COL21A1: variants seen among roughly 807,000 people sequenced by gnomAD.
The protein encoded by COL21A1 is collagen alpha-1(XXI) chain.
Under a neutral mutation model 137.9 loss-of-function variants are expected in COL21A1, and 149 were observed. The observed-to-expected ratio is 1.08, with a 90% CI of 0.95 to 1.24. The LOEUF is 1.24. COL21A1 is among the 50% of genes most tolerant of loss of function. The pLI is 0.00. For missense variants in COL21A1, 1,167 were observed against 1,158.4 expected, an observed-to-expected ratio of 1.01 and a Z score of -0.11; for synonymous variants, 456 against 391.5, an observed-to-expected ratio of 1.16 and a Z score of -1.95.
intron 1 of COL21A1, among the ~76,000 whole-genome samples, chr6:56,339,516 T>C (rs1183010833): frequency 1.3e-5 from 2 of 152,248 alleles, no homozygotes; most frequent in East Asian, 3.8e-4. Flanking sequence ...ATTACTGATC[T>C]AGAATATGAA....
chr6:56,377,842 A>C (rs2094002144), intron 1 of COL21A1, among the ~76,000 whole-genome samples: 1 of 152,122 alleles, frequency 6.6e-6, no homozygotes, highest in Non-Finnish European at 1.5e-5. Flanking sequence ...AGGAGAGGGA[A>C]GAGTAGAGAG....
intron 1 of COL21A1, among the ~76,000 whole-genome samples, chr6:56,288,525 A>G (rs538105734): frequency 6.6e-5 from 10 of 152,340 alleles, no homozygotes; most frequent in African/African-American, 2.4e-4. Flanking sequence ...GCTGACTTTG[A>G]AGTCACACTC....
chr6:56,306,543 TTCA>T (rs1764459286), intron 1 of COL21A1, among the ~76,000 whole-genome samples: 1 of 152,358 alleles, frequency 6.6e-6, no homozygotes, highest in African/African-American at 2.4e-5. Flanking sequence ...GACTTGTGCA[TTCA>T]TCGTGTAGTT....
intron 10 of COL21A1, among the ~76,000 whole-genome samples, chr6:56,145,951 T>C (rs927954076): frequency 3.3e-5 from 5 of 152,028 alleles, no homozygotes; most frequent in Non-Finnish European, 7.4e-5. Flanking sequence ...CCATGATTCA[T>C]AGTTACAAAG....
At chr6:56,346,199 T>C (rs552332270) in intron 1 of COL21A1, among the ~76,000 whole-genome samples, 1 of 152,318 alleles carries the variant, frequency 6.6e-6, no homozygotes, top group East Asian at 1.9e-4. Flanking sequence ...CTAGAAAGTT[T>C]CCTCAAGGAC....
chr6:56,360,137 C>T (rs544517563), intron 1 of COL21A1, among the ~76,000 whole-genome samples: 3 of 152,290 alleles, frequency 2.0e-5, no homozygotes, highest in Non-Finnish European at 4.4e-5. Context: ...GATGAGAAAG[C>T]AGAAGGCTTA....
intron 10 of COL21A1, among the ~76,000 whole-genome samples, chr6:56,144,609 T>C (rs1411397831): frequency 1.3e-5 from 2 of 152,220 alleles, no homozygotes; most frequent in Non-Finnish European, 2.9e-5. Context: ...AAAGATCAAA[T>C]GCTGCTGTGC....
intron 17 of COL21A1, among the ~76,000 whole-genome samples, chr6:56,084,229 T>A (rs867750333): frequency 9.9e-5 from 15 of 151,192 alleles, no homozygotes; most frequent in South Asian, 2.1e-4. Flanking sequence ...TATATATATA[T>A]AAAAAACATT....
chr6:56,366,263 G>A (rs1021103804), intron 1 of COL21A1, among the ~76,000 whole-genome samples: 2 of 152,072 alleles, frequency 1.3e-5, no homozygotes, highest in African/African-American at 2.4e-5. Context: ...ACACAGCCTC[G>A]CCAAGTCTGA....
intron 1 of COL21A1, among the ~76,000 whole-genome samples, chr6:56,190,768 T>A (rs905340729): frequency 6.6e-6 from 1 of 152,188 alleles, no homozygotes; most frequent in Non-Finnish European, 1.5e-5. Flanking sequence ...ATCCCTGGGA[T>A]GCAAGGCTGG....
chr6:56,292,476 T>C (rs1334415210), intron 1 of COL21A1, among the ~76,000 whole-genome samples: 1 of 150,638 alleles, frequency 6.6e-6, no homozygotes, highest in African/African-American at 2.4e-5. Context: ...TTTTGTTTTT[T>C]GTTTTGTTTT....
intron 1 of COL21A1, among the ~76,000 whole-genome samples, chr6:56,303,944 G>C (rs978742337): frequency 2.0e-5 from 3 of 152,136 alleles, no homozygotes; most frequent in Non-Finnish European, 4.4e-5. Flanking sequence ...AGCATGAAGG[G>C]TTGTTGAGTT....
At chr6:56,147,341 A>G (rs1420284315) in intron 10 of COL21A1, among the ~76,000 whole-genome samples, 1 of 150,834 alleles carries the variant, frequency 6.6e-6, no homozygotes, top group Non-Finnish European at 1.5e-5. Flanking sequence ...CTTCAAAATG[A>G]CAAGGTTGGG....
At chr6:56,378,834 G>A (rs1461808989) in intron 1 of COL21A1, among the ~76,000 whole-genome samples, 1 of 152,220 alleles carries the variant, frequency 6.6e-6, no homozygotes, top group Non-Finnish European at 1.5e-5. Context: ...GTGGCCACAG[G>A]AGTGCTTGTG....
chr6:56,113,844 G>C (rs1204582232), intron 16 of COL21A1, among the ~76,000 whole-genome samples: 1 of 152,146 alleles, frequency 6.6e-6, no homozygotes, highest in Admixed American at 6.5e-5. Flanking sequence ...GCCCTAAAGA[G>C]TGAGTCCCAG....
chr6:56,084,950 T>G (rs1447374287), intron 17 of COL21A1, among the ~76,000 whole-genome samples: 1 of 152,022 alleles, frequency 6.6e-6, no homozygotes, highest in African/African-American at 2.4e-5. Flanking sequence ...TGCAGATAAT[T>G]TTCACATATT....
At position 56,269,301 on chromosome 6, in the gene COL21A1, ATAG is replaced by A. The variant is rs1763465693; in HGVS notation, c.-38-86648_-38-86646del. Among the ~76,000 whole-genome samples, 8 of 152,336 alleles carry A rather than the reference ATAG, an allele frequency of 5.3e-5. No individual in the cohort carries two copies. In the South Asian group the frequency reaches 1.7e-3, roughly 32 times the overall value. ...TACAAGATAACTGTCCCCAAGACAC[ATAG>A]TCATCAGATTCACCAAAGTCAACAT... On this transcript the variant is annotated intron_variant, in intron 1 of 28. Coordinates refer to the COL21A1 transcript ENST00000370819.
chr6:56,133,346 T>C (rs62413464), intron 12 of COL21A1, among the ~76,000 whole-genome samples: 10,898 of 152,174 alleles, frequency 0.072, 433 homozygotes, highest in Middle Eastern at 0.12. Context: ...CCCTAAAGAT[T>C]TGTAGAACTT....
chr6:56,060,662 C>A (rs1765710072), intron 27 of COL21A1, 79 bp downstream of exon 27: 1 of 1,182,816 alleles, frequency 8.5e-7, no homozygotes. Context: ...TCACTTATAT[C>A]CTCTACAATA....
Sources: gnomAD v4.1 joint callset for allele counts (sites outside exome capture counted in the v4.1 genomes callset) on GRCh38, gnomAD v4.1.1 for gene constraint, MANE v1.5 for transcripts, NCBI Gene and HGNC (gene_info 2026-07-23, HGNC 2026-07-21) for gene names.